Variants in PCNX2 observed in about 807,000 individuals in gnomAD.
The protein encoded by PCNX2 is pecanex-like protein 2.
Under a neutral mutation model 223.8 loss-of-function variants are expected in PCNX2, and 168 were observed. The ratio of observed to expected loss-of-function variants is 0.75; its 90% CI spans 0.66 to 0.85. The LOEUF (loss-of-function observed/expected upper bound fraction) is 0.85, where lower values mean the gene tolerates loss of function less well. Among genes scored for constraint, PCNX2 ranks in the 40% least tolerant of loss-of-function variants. PCNX2 has a pLI of 0.00. For synonymous variants in PCNX2, 1,006 were observed against 1,052.6 expected (o/e 0.96, Z 0.86); for missense variants, 2,507 against 2,675.5 (o/e 0.94, Z 1.39).
chr1:233,299,253 T>C (rs985280821), upstream of PCNX2, among the ~76,000 whole-genome samples: 2 of 152,228 alleles, frequency 1.3e-5, no homozygotes, highest in African/African-American at 4.8e-5. Context: ...TCAGTGACCA[T>C]GTCTTATCGA....
At chr1:233,212,596 C>T (rs564176340) in intron 12 of PCNX2, among the ~76,000 whole-genome samples, 20 of 152,274 alleles carry the variant, frequency 1.3e-4, no homozygotes, top group Admixed American at 8.5e-4. Flanking sequence ...CATCAAGTGC[C>T]GTCCAGGGCA....
chr1:233,200,288 A>G (rs779872055), intron 13 of PCNX2, 24 bp from the exon 14 acceptor site: 1 of 1,498,446 alleles, frequency 6.7e-7, no homozygotes, highest in Non-Finnish European at 9.1e-7. Context: ...AACAAAATTG[A>G]CGATAAGCAT....
At position 233,044,913 on chromosome 1, in the gene PCNX2, C is replaced by T. The variant is rs541195435; in HGVS notation, c.4351+9355G>A. Among the ~76,000 whole-genome samples, 4 of 152,302 alleles carry T rather than the reference C, an allele frequency of 2.6e-5. No homozygotes were observed. The East Asian group carries it at 7.7e-4, about 29-fold the overall frequency. Reference sequence around the variant, plus strand: ...TGGACTCCTGACCTCAGGTGATCCACCCGCCTCAGCCTCCCAAAGTGCTAG... The same window carrying T: ...TGGACTCCTGACCTCAGGTGATCCATCCGCCTCAGCCTCCCAAAGTGCTAG... On this transcript the variant is annotated intron_variant, in intron 25 of 33. Coordinates refer to ENST00000258229, the MANE Select transcript of PCNX2 (RefSeq NM_014801.4).
intron 19 of PCNX2, among the ~76,000 whole-genome samples, chr1:233,151,666 T>A (rs1677815924): frequency 6.6e-6 from 1 of 151,682 alleles, no homozygotes; most frequent in African/African-American, 2.4e-5. Context: ...CCTGTCTTTC[T>A]ATCTTTTATT....
At chr1:232,996,462 G>T (rs34963548) in intron 32 of PCNX2, among the ~76,000 whole-genome samples, 35,010 of 151,866 alleles carry the variant, frequency 0.23, 4,243 homozygotes, top group African/African-American at 0.28. Flanking sequence ...CCTGGGAGCT[G>T]CATGGGAGGC....
chr1:233,260,026 A>G (rs1018249961), intron 4 of PCNX2: 8 of 180,462 alleles, frequency 4.4e-5, no homozygotes, highest in African/African-American at 1.7e-4. Context: ...TATATAAGAG[A>G]CGTGAGCAAC....
At chr1:233,167,809 T>C in intron 17 of PCNX2, 1 of 980,724 alleles carries the variant, frequency 1.0e-6, no homozygotes, top group Non-Finnish European at 1.2e-6. Flanking sequence ...AAAAAGTTTG[T>C]AACTTTGGTT....
At position 233,116,537 on chromosome 1, in the gene PCNX2, A is replaced by T. The variant is rs1044471531; in HGVS notation, c.3837+18476T>A. ...TATCCAAACCCTTGGAAAATGACAT[A>T]CTTCTAAATAATCCATGGATCAAAG... On this transcript the variant is annotated intron_variant, in intron 21 of 33. Transcript: ENST00000258229. 2.6e-5 allele frequency among the ~76,000 whole-genome samples: 4 copies of T among 152,182 alleles called. No homozygotes were observed. The South Asian group carries it at 8.3e-4, about 31-fold the overall frequency.
chr1:233,188,172 T>C (rs1680211751), intron 15 of PCNX2, among the ~76,000 whole-genome samples: 2 of 152,226 alleles, frequency 1.3e-5, no homozygotes, highest in Admixed American at 1.3e-4. Flanking sequence ...TAGACTGAAA[T>C]GTCAGTGTTG....
intron 25 of PCNX2, among the ~76,000 whole-genome samples, chr1:233,045,602 G>C (rs1671797781): frequency 6.6e-6 from 1 of 152,202 alleles, no homozygotes; most frequent in Non-Finnish European, 1.5e-5. Context: ...AGAAACTAAA[G>C]AGTCAGACAC....
intron 17 of PCNX2, among the ~76,000 whole-genome samples, chr1:233,169,401 C>T (rs1679001338): frequency 6.6e-6 from 1 of 151,712 alleles, no homozygotes; most frequent in African/African-American, 2.4e-5. Context: ...AATCCCAGCA[C>T]TTTGGGAGGC....
chr1:233,315,816 TA>T, the PCNX2 span, among the ~76,000 whole-genome samples: 9 of 151,158 alleles, frequency 6.0e-5, no homozygotes, highest in East Asian at 1.9e-4. Flanking sequence ...AACCTTTTTT[TA>T]AAAAAAAAAT....
chr1:233,182,363 T>C (rs1033512583), intron 15 of PCNX2, among the ~76,000 whole-genome samples: 2 of 152,162 alleles, frequency 1.3e-5, no homozygotes, highest in Admixed American at 1.3e-4. Flanking sequence ...CCTGTCTGGT[T>C]AAGGCTTCCA....
intron 4 of PCNX2, among the ~76,000 whole-genome samples, chr1:233,260,204 TG>T (rs1210357124): frequency 6.6e-6 from 1 of 152,228 alleles, no homozygotes; most frequent in African/African-American, 2.4e-5. Flanking sequence ...TAGCCAGGTA[TG>T]GGTTTAAATG....
chr1:233,065,170 C>T (rs1169933318), intron 23 of PCNX2, among the ~76,000 whole-genome samples: 1 of 152,168 alleles, frequency 6.6e-6, no homozygotes, highest in African/African-American at 2.4e-5. Flanking sequence ...GTAAAATACA[C>T]TCGGCAACCA....
chr1:233,217,901 G>T lies in PCNX2; in HGVS notation c.2689C>A (p.His897Asn). 6.2e-7 allele frequency: 1 copy of T among 1,613,928 alleles called. No individual in the cohort carries two copies. The highest frequency in any genetic ancestry group is 8.5e-7 in the Non-Finnish European group (1 of 1,179,876). Residue 897 changes from histidine (H) to asparagine (N), a missense_variant and splice_region_variant, in exon 12 of 34, where the codon CAC becomes AAC. His to Asn is a moderately conservative substitution (Grantham distance 68). Transcript: ENST00000258229. ...SVQPDPASPI[H>N]GHNQIITYSR... ...CTTGCCTGTATTTGGAAACTTACGT[G>T]TATTGGTGAGGCGGGGTCAGGCTGA...
intron 5 of PCNX2, 110 bp from the exon 6 acceptor site, chr1:233,252,898 C>T: frequency 8.9e-7 from 1 of 1,128,370 alleles, no homozygotes; most frequent in Middle Eastern, 3.1e-4. Flanking sequence ...ATCTAAGCAG[C>T]TCCTCTGCAT....
intron 1 of PCNX2, among the ~76,000 whole-genome samples, chr1:233,287,988 A>C (rs1389328203): frequency 6.6e-6 from 1 of 152,228 alleles, no homozygotes; most frequent in Non-Finnish European, 1.5e-5. Flanking sequence ...AATAATAGTA[A>C]CATAATACAA....
intron 25 of PCNX2, among the ~76,000 whole-genome samples, chr1:233,050,029 G>C (rs1381394918): frequency 6.6e-6 from 1 of 151,950 alleles, no homozygotes; most frequent in Non-Finnish European, 1.5e-5. Flanking sequence ...CAACATAGGA[G>C]TTGAACAATG....
Sources: allele counts gnomAD v4.1 joint callset (sites outside exome capture counted in the v4.1 genomes callset), GRCh38; gene constraint gnomAD v4.1.1; transcripts MANE v1.5; gene names NCBI Gene and HGNC (gene_info 2026-07-23, HGNC 2026-07-21).